Variants in SLC10A7 observed in about 807,000 individuals in gnomAD.
SLC10A7 encodes solute carrier family 10 member 7.
Under a neutral mutation model 43.2 loss-of-function variants are expected in SLC10A7, and 29 were observed. The ratio of observed to expected loss-of-function variants is 0.67; its 90% CI spans 0.50 to 0.92. The LOEUF (loss-of-function observed/expected upper bound fraction) is 0.92. SLC10A7 is among the 40% of genes least tolerant of loss of function. The pLI, the probability that SLC10A7 is intolerant of heterozygous loss-of-function variation, is 0.00. For missense variants in SLC10A7, 295 were observed against 403.2 expected (o/e 0.73, Z 2.30); for synonymous variants, 152 against 144.8 (o/e 1.05, Z -0.35).
intron 5 of SLC10A7, among the ~76,000 whole-genome samples, chr4:146,416,300 G>C (rs566868307): frequency 6.6e-6 from 1 of 152,088 alleles, no homozygotes; most frequent in Non-Finnish European, 1.5e-5. Context: ...TGACCAAATA[G>C]GGTCACCAAC....
At chr4:146,295,431 G>A (rs1191316614) in intron 7 of SLC10A7, among the ~76,000 whole-genome samples, 5 of 152,156 alleles carry the variant, frequency 3.3e-5, no homozygotes, top group Non-Finnish European at 7.4e-5. Flanking sequence ...GGTTTATTTT[G>A]GGAAGGTGGG....
intron 6 of SLC10A7, among the ~76,000 whole-genome samples, chr4:146,314,582 G>A (rs556905452): frequency 1.3e-4 from 20 of 152,220 alleles, no homozygotes; most frequent in African/African-American, 4.6e-4. Context: ...ACATGATTCC[G>A]AGTGGGTGAG....
chr4:146,263,216 C>A lies in SLC10A7; in HGVS notation c.848-4379G>T, dbSNP rs555970533. ...GCCATCCTCAGAGTCCCAAGGTGGCCTTTAGATCCTTTCCACTCCATGCTT... is the reference window on the plus strand; with the variant it reads ...GCCATCCTCAGAGTCCCAAGGTGGCATTTAGATCCTTTCCACTCCATGCTT... On this transcript the variant is annotated intron_variant, in intron 10 of 11. Transcript: ENST00000335472. Among the ~76,000 whole-genome samples, 4 of 152,298 alleles carry A rather than the reference C, an allele frequency of 2.6e-5. No individual in the cohort carries two copies. In the South Asian group the frequency reaches 8.3e-4, roughly 32 times the overall value.
intron 6 of SLC10A7, among the ~76,000 whole-genome samples, chr4:146,313,407 C>A (rs1732112344): frequency 6.6e-6 from 1 of 152,154 alleles, no homozygotes; most frequent in Admixed American, 6.5e-5. Flanking sequence ...TTACTAGGTG[C>A]TTCCCTTCCC....
At chr4:146,491,858 G>T (rs1232551317) in intron 4 of SLC10A7, among the ~76,000 whole-genome samples, 1 of 152,122 alleles carries the variant, frequency 6.6e-6, no homozygotes, top group African/African-American at 2.4e-5. Flanking sequence ...AGGTGTTCTT[G>T]GCCATGAATA....
At chr4:146,304,330 C>T (rs912725762) in intron 7 of SLC10A7, among the ~76,000 whole-genome samples, 5 of 151,720 alleles carry the variant, frequency 3.3e-5, no homozygotes, top group African/African-American at 7.3e-5. Flanking sequence ...GTCATAAACA[C>T]GGAGACCTTA....
At chr4:146,387,670 T>C (rs992632015) in intron 5 of SLC10A7, among the ~76,000 whole-genome samples, 2 of 152,344 alleles carry the variant, frequency 1.3e-5, no homozygotes, top group East Asian at 3.9e-4. Context: ...TGATCTTTTA[T>C]GTAGAAAACC....
chr4:146,418,332 A>G (rs1728721433), intron 5 of SLC10A7, among the ~76,000 whole-genome samples: 1 of 152,158 alleles, frequency 6.6e-6, no homozygotes, highest in Non-Finnish European at 1.5e-5. Flanking sequence ...TCTAGTTTTT[A>G]GGGTTTACAA....
At position 146,442,801 on chromosome 4, in the gene SLC10A7, T is replaced by C; in HGVS notation, c.417A>G (p.Ser139=). ...GGNEAAAIFN[S]AFGSFLGIVI... is the part of the protein sequence containing the mutation. ...TACTTACCAAAAAACTTCCAAAGGC[T>C]GAATTAAATATTGCAGCTGCCTATG... Residue 139 remains serine (S), a synonymous_variant, in exon 5 of 12, where the codon TCA becomes TCG. Coordinates refer to ENST00000335472, the MANE Select transcript of SLC10A7 (RefSeq NM_001029998.6). The C allele has an allele frequency of 1.3e-6, 2 of 1,598,214 alleles. No homozygotes were observed. The highest frequency in any genetic ancestry group is 1.7e-6 in the Non-Finnish European group (2 of 1,175,042).
intron 5 of SLC10A7, among the ~76,000 whole-genome samples, chr4:146,375,955 G>A (rs769523351): frequency 1.1e-4 from 16 of 152,146 alleles, no homozygotes; most frequent in Non-Finnish European, 2.2e-4. Context: ...GATAAGTTAA[G>A]GGTGCCCGTG....
At chr4:146,462,446 A>T (rs1359114079) in intron 4 of SLC10A7, among the ~76,000 whole-genome samples, 1 of 152,176 alleles carries the variant, frequency 6.6e-6, no homozygotes, top group Non-Finnish European at 1.5e-5. Context: ...GCTCAAGATC[A>T]CACAATGTCT....
At chr4:146,514,474 A>G (rs1321768608) in intron 2 of SLC10A7, 1 of 152,254 alleles carries the variant, frequency 6.6e-6, no homozygotes, top group Non-Finnish European at 1.5e-5. Context: ...CAAAATTTCA[A>G]AAAACTAGAA....
At chr4:146,301,258 C>T (rs1731142926) in intron 7 of SLC10A7, among the ~76,000 whole-genome samples, 1 of 152,152 alleles carries the variant, frequency 6.6e-6, no homozygotes, top group Non-Finnish European at 1.5e-5. Context: ...TGTAACAAGT[C>T]TTCAACAATG....
At chr4:146,262,887 G>A (rs1481458322) in intron 10 of SLC10A7, among the ~76,000 whole-genome samples, 4 of 152,218 alleles carry the variant, frequency 2.6e-5, no homozygotes, top group Non-Finnish European at 5.9e-5. Flanking sequence ...ACGCAGAAGT[G>A]TATCACACAG....
intron 5 of SLC10A7, among the ~76,000 whole-genome samples, chr4:146,357,706 A>G (rs992278520): frequency 6.6e-6 from 1 of 152,190 alleles, no homozygotes; most frequent in African/African-American, 2.4e-5. Flanking sequence ...ACCCAAGGTA[A>G]GTGAGGGGAG....
At chr4:146,429,811 C>A (rs1264065204) in intron 5 of SLC10A7, among the ~76,000 whole-genome samples, 1 of 151,258 alleles carries the variant, frequency 6.6e-6, no homozygotes, top group Non-Finnish European at 1.5e-5. Flanking sequence ...ACAGTGCAAG[C>A]AAAGAGGTGG....
chr4:146,339,969 C>G (rs1734144593), intron 5 of SLC10A7, among the ~76,000 whole-genome samples: 1 of 151,424 alleles, frequency 6.6e-6, no homozygotes, highest in South Asian at 2.1e-4. Flanking sequence ...TAATGCTCTC[C>G]CTCCCCTTGT....
At chr4:146,501,137 T>G (rs1428615603) in intron 4 of SLC10A7, among the ~76,000 whole-genome samples, 1 of 152,164 alleles carries the variant, frequency 6.6e-6, no homozygotes, top group Non-Finnish European at 1.5e-5. Context: ...ACCTCTTCTC[T>G]TTTATATCTA....
intron 5 of SLC10A7, among the ~76,000 whole-genome samples, chr4:146,398,409 ATTC>A (rs1401116144): frequency 6.6e-6 from 1 of 152,218 alleles, no homozygotes; most frequent in Non-Finnish European, 1.5e-5. Context: ...TATCAAAAAG[ATTC>A]TTCATCACAA....
Sources: allele counts gnomAD v4.1 joint callset (sites outside exome capture counted in the v4.1 genomes callset), GRCh38; gene constraint gnomAD v4.1.1; transcripts MANE v1.5; gene names NCBI Gene and HGNC (gene_info 2026-07-23, HGNC 2026-07-21).